Variants in DOCK3 observed in about 807,000 individuals in gnomAD.
DOCK3 encodes dedicator of cytokinesis 3.
A neutral mutation model predicts 265.6 loss-of-function variants in DOCK3; 60 were observed. That is an observed-to-expected ratio of 0.23 (90% CI 0.18 to 0.28). DOCK3 has a LOEUF of 0.28. Among genes scored for constraint, DOCK3 ranks in the 10% least tolerant of loss-of-function variants. The pLI is 1.00. For synonymous variants in DOCK3, 881 were observed against 938.0 expected (o/e 0.94, Z 1.11); for missense variants, 1,981 against 2,594.3 (o/e 0.76, Z 5.14).
intron 27 of DOCK3, among the ~76,000 whole-genome samples, chr3:51,294,900 A>G (rs923296286): frequency 5.3e-5 from 8 of 152,194 alleles, no homozygotes; most frequent in African/African-American, 1.9e-4. Flanking sequence ...CAGTGTTCTC[A>G]CCACAAAAAA....
chr3:51,075,448 A>G lies in DOCK3; in HGVS notation c.549+8A>G. On this transcript the variant is annotated splice_region_variant and intron_variant, in intron 7 of 52. Coordinates refer to ENST00000266037, the MANE Select transcript of DOCK3 (RefSeq NM_004947.5). ...TCAGATCTCTATAAGATGGTAAGAA[A>G]TCTAACATGAGGTAGCTTGTTCCTG... 11 of 1,593,658 alleles carry G rather than the reference A, an allele frequency of 6.9e-6. No homozygotes were observed. Among genetic ancestry groups the G allele is most frequent in the Non-Finnish European group, 6.8e-6 (8 of 1,169,904 alleles).
intron 1 of DOCK3, among the ~76,000 whole-genome samples, chr3:50,687,812 T>A (rs541199161): frequency 6.6e-6 from 1 of 152,206 alleles, no homozygotes; most frequent in East Asian, 1.9e-4. Flanking sequence ...TTTCCTGATA[T>A]GTAATCATTC....
chr3:50,856,542 T>C (rs2046608844), intron 3 of DOCK3, among the ~76,000 whole-genome samples: 1 of 152,182 alleles, frequency 6.6e-6, no homozygotes, highest in African/African-American at 2.4e-5. Flanking sequence ...GTTATTTGTT[T>C]TTTTTCTTGT....
At chr3:51,342,421 C>T (rs1263436795) in intron 38 of DOCK3, among the ~76,000 whole-genome samples, 2 of 152,228 alleles carry the variant, frequency 1.3e-5, no homozygotes, top group Admixed American at 1.3e-4. Context: ...TGACCCAAAG[C>T]CTCTGGTCCT....
chr3:51,351,948 C>T (rs139382235), intron 40 of DOCK3, among the ~76,000 whole-genome samples: 2 of 152,296 alleles, frequency 1.3e-5, no homozygotes, highest in African/African-American at 4.8e-5. Flanking sequence ...TGAGCCAATG[C>T]GCCCAGCCAG....
At chr3:51,081,709 C>G (rs2109441800) in intron 7 of DOCK3, among the ~76,000 whole-genome samples, 2 of 152,102 alleles carry the variant, frequency 1.3e-5, no homozygotes, top group South Asian at 4.2e-4. Flanking sequence ...TCCTGGCTAA[C>G]ACGGTGAAAC....
intron 5 of DOCK3, among the ~76,000 whole-genome samples, chr3:50,937,250 C>T (rs2051419820): frequency 7.2e-6 from 1 of 138,286 alleles, no homozygotes; most frequent in Non-Finnish European, 1.5e-5. Flanking sequence ...GCACTCCAGC[C>T]TGGGCGATGA....
chr3:51,271,530 G>A (rs566838909), intron 24 of DOCK3, among the ~76,000 whole-genome samples: 141 of 152,258 alleles, frequency 9.3e-4, no homozygotes, highest in African/African-American at 3.2e-3. Context: ...TCCAAGAACA[G>A]AGCCTGCTAT....
At chr3:51,103,996 A>G (rs1450045272) in intron 9 of DOCK3, among the ~76,000 whole-genome samples, 1 of 152,226 alleles carries the variant, frequency 6.6e-6, no homozygotes, top group Non-Finnish European at 1.5e-5. Flanking sequence ...TACAGATATT[A>G]TATGTATTAG....
intron 5 of DOCK3, among the ~76,000 whole-genome samples, chr3:51,034,581 C>T (rs936808803): frequency 6.6e-6 from 1 of 151,978 alleles, no homozygotes; most frequent in East Asian, 1.9e-4. Flanking sequence ...CTTTATATAT[C>T]ATGATTCCTT....
At chr3:51,273,817 G>A (rs1234210775) in intron 24 of DOCK3, among the ~76,000 whole-genome samples, 1 of 152,162 alleles carries the variant, frequency 6.6e-6, no homozygotes, top group East Asian at 1.9e-4. Flanking sequence ...CTGATAATCT[G>A]ACTAAATCAT....
chr3:51,058,722 G>A (rs1052154737), intron 5 of DOCK3, among the ~76,000 whole-genome samples: 12 of 152,140 alleles, frequency 7.9e-5, no homozygotes, highest in African/African-American at 2.2e-4. Context: ...CAGAATCAGT[G>A]TCTGGTGGGG....
rs144315372 is a variant in DOCK3 at position 50,774,079 on chromosome 3, G to A, written c.38-4596G>A. Among the ~76,000 whole-genome samples, 57 of 152,080 alleles carry A rather than the reference G, an allele frequency of 3.7e-4. 1 individual carries two copies. In the East Asian group the frequency reaches 0.011, roughly 28 times the overall value. ...ACCAATAGCAGTTTGGATGTCTTCA[G>A]CAGAGATCAAATATAAATATATGCA... On this transcript the variant is annotated intron_variant, in intron 1 of 52. Coordinates refer to ENST00000266037, the MANE Select transcript of DOCK3 (RefSeq NM_004947.5).
In DOCK3 at chr3:51,383,068, T is replaced by A. The variant is rs2088762103; in HGVS notation, c.*1509T>A. On this transcript the variant is annotated 3_prime_UTR_variant, in exon 53 of 53. Transcript: ENST00000266037. ...CCAGTTCCTCTTCTGCTGGCCTGTA[T>A]GACCTCCACAGCCAGGCCCTGGGCC... 6.6e-6 allele frequency: 1 copy of A among 152,354 alleles called. No homozygotes were observed. The highest frequency in any genetic ancestry group is 1.9e-4 in the East Asian group (1 of 5,180). The allele number at this position is 152,354 out of a possible 1,614,324, so 9.4% of individuals were successfully genotyped here.
rs1437925907 is a variant in DOCK3, at chr3:51,237,622, C to CG, written c.2102+33dup. The CG allele has an allele frequency of 4.4e-6, 7 of 1,574,604 alleles. No individual in the cohort carries two copies. The African/African-American group carries it at 5.4e-5, about 12-fold the overall frequency. ...TCCATTTGGTATCATCATTAGGACT[C>CG]GTGTTTGAGTAGAAATATAGGCTTT... On this transcript the variant is annotated intron_variant, in intron 21 of 52. Transcript: ENST00000266037.
chr3:50,837,336 A>T, intron 2 of DOCK3, among the ~76,000 whole-genome samples: 1 of 152,230 alleles, frequency 6.6e-6, no homozygotes, highest in East Asian at 1.9e-4. Flanking sequence ...AAAGAGATTT[A>T]ATTGACTCAC....
Position 51,277,655 on chromosome 3 carries a change from G to T in DOCK3, c.2724G>T (p.Leu908=). Residue 908 remains leucine, a synonymous_variant, in exon 26 of 53, where the codon CTG becomes CTT. Coordinates refer to ENST00000266037, the MANE Select transcript of DOCK3 (RefSeq NM_004947.5). The part of the protein sequence containing the change: ...EEVEMMVESL[L]DVLLQTLLTI... Reference sequence around the variant, plus strand: ...TAGAGATGATGGTGGAGAGCCTCCTGGACGTGCTCTTGCAGACTCTGCTCA... The same window carrying T: ...TAGAGATGATGGTGGAGAGCCTCCTTGACGTGCTCTTGCAGACTCTGCTCA... 6.3e-7 allele frequency: 1 copy of T among 1,594,516 alleles called. No homozygotes were observed. Among genetic ancestry groups the T allele is most frequent in the South Asian group, 1.1e-5 (1 of 88,682 alleles).
In DOCK3 at chr3:51,381,020, A is replaced by T. The variant is rs782313173; in HGVS notation, c.5584-30A>T. 2 of 1,550,664 alleles carry T rather than the reference A, an allele frequency of 1.3e-6. No homozygotes were observed. The highest frequency in any genetic ancestry group is 4.5e-5 in the East Asian group (2 of 44,266). On this transcript the variant is annotated intron_variant, in intron 52 of 52. Coordinates refer to ENST00000266037, the MANE Select transcript of DOCK3 (RefSeq NM_004947.5). The surrounding 1 kb of genome is among the most constrained non-coding windows in gnomAD (Gnocchi z 5.6). ...CAAGTCAGCCTGTCTGGAGAGAGGG[A>T]TTCTAACATGCCCACCCTTTCCTTC...
intron 12 of DOCK3, among the ~76,000 whole-genome samples, chr3:51,189,186 T>C (rs962961757): frequency 6.6e-6 from 1 of 152,218 alleles, no homozygotes; most frequent in African/African-American, 2.4e-5. Flanking sequence ...ATTAGTGATG[T>C]TGAACATTTT....
Sources: gnomAD v4.1 joint callset for allele counts (sites outside exome capture counted in the v4.1 genomes callset) on GRCh38, gnomAD v4.1.1 for gene constraint, Gnocchi (gnomAD v3.1) non-coding constraint, MANE v1.5 for transcripts, NCBI Gene and HGNC (gene_info 2026-07-23, HGNC 2026-07-21) for gene names.